BCKDHB: variants seen among roughly 807,000 people sequenced by gnomAD.
BCKDHB encodes branched chain keto acid dehydrogenase E1 subunit beta, also known as 2-oxoisovalerate dehydrogenase subunit beta, mitochondrial.
In BCKDHB, 41 loss-of-function variants were observed where a neutral mutation model predicts 48.5. The observed-to-expected ratio is 0.85, with a 90% CI of 0.66 to 1.10. BCKDHB has a LOEUF of 1.10. BCKDHB is among the 50% of genes least tolerant of loss of function. The pLI, the probability that BCKDHB is intolerant of heterozygous loss-of-function variation, is 0.00. For missense variants in BCKDHB, 496 were observed against 494.2 expected, an observed-to-expected ratio of 1.00 and a Z score of -0.03; for synonymous variants, 201 against 174.8, an observed-to-expected ratio of 1.15 and a Z score of -1.18.
At chr6:80,121,222 ATC>A (rs1211422006) in intron 1 of BCKDHB, among the ~76,000 whole-genome samples, 3 of 152,132 alleles carry the variant, frequency 2.0e-5, no homozygotes, top group Non-Finnish European at 4.4e-5. Context: ...ATTGATCTAT[ATC>A]TCTGTTTTGG....
chr6:80,157,459 A>ATTTTT (rs36063034), intron 3 of BCKDHB, among the ~76,000 whole-genome samples: 29 of 96,736 alleles, frequency 3.0e-4, no homozygotes, highest in Non-Finnish European at 4.4e-4. Context: ...TTGGGTGAGA[A>ATTTTT]TTTTTTTTTT....
chr6:80,150,048 T>A (rs1388880685), intron 3 of BCKDHB, among the ~76,000 whole-genome samples: 1 of 151,916 alleles, frequency 6.6e-6, no homozygotes, highest in East Asian at 1.9e-4. Context: ...TAGCTTCAAG[T>A]TTTTTCCCCC....
At chr6:80,466,390 G>A in the BCKDHB span, among the ~76,000 whole-genome samples, 4 of 152,148 alleles carry the variant, frequency 2.6e-5, no homozygotes, top group Admixed American at 1.3e-4. Flanking sequence ...TTGGGAGTTA[G>A]GGATTTTTAG....
chr6:80,362,881 T>C, the BCKDHB span, among the ~76,000 whole-genome samples: 2 of 152,202 alleles, frequency 1.3e-5, no homozygotes, highest in Non-Finnish European at 2.9e-5. Flanking sequence ...GGACTTGAAA[T>C]GAAAGTTGCA....
At chr6:80,236,588 A>C (rs140300961) in intron 8 of BCKDHB, among the ~76,000 whole-genome samples, 6 of 152,212 alleles carry the variant, frequency 3.9e-5, no homozygotes. Flanking sequence ...ATATTTACTC[A>C]TTTATTCCTT....
In BCKDHB at chr6:80,245,381, A is replaced by G. The variant is rs558360624; in HGVS notation, c.952-27754A>G. 2.6e-4 allele frequency among the ~76,000 whole-genome samples: 40 copies of G among 152,174 alleles called. 1 individual carries two copies. The highest frequency in any genetic ancestry group is 1.6e-3 in the Admixed American group (24 of 15,278). On this transcript the variant is annotated intron_variant, in intron 8 of 9. Coordinates refer to ENST00000320393, the MANE Select transcript of BCKDHB (RefSeq NM_183050.4). ...CAAAAAAGGCTTTCAATAGGAAAAA[A>G]AAAATCCCCCAAAAGCTCAGGAAAC...
At chr6:80,110,556 GTAT>G (rs1426338352) in intron 1 of BCKDHB, among the ~76,000 whole-genome samples, 3 of 152,188 alleles carry the variant, frequency 2.0e-5, no homozygotes, top group Non-Finnish European at 4.4e-5. Context: ...CTGTCCAAGT[GTAT>G]TATTGTTTTT....
intron 1 of BCKDHB, among the ~76,000 whole-genome samples, chr6:80,109,526 T>C (rs1266509447): frequency 6.6e-6 from 1 of 152,218 alleles, no homozygotes; most frequent in Non-Finnish European, 1.5e-5. Flanking sequence ...ATATGTATAA[T>C]AGTGTGAGTA....
intron 1 of BCKDHB, among the ~76,000 whole-genome samples, chr6:80,121,654 C>T (rs776210872): frequency 6.6e-5 from 10 of 151,712 alleles, no homozygotes; most frequent in Non-Finnish European, 1.5e-4. Flanking sequence ...CATGATTTGG[C>T]TCTCTGTTAA....
the BCKDHB span, among the ~76,000 whole-genome samples, chr6:80,414,109 G>C: frequency 6.6e-6 from 1 of 151,842 alleles, no homozygotes; most frequent in Admixed American, 6.6e-5. Context: ...TTTTTTAAAA[G>C]TGTCTGTGTA....
At chr6:80,165,796 G>T (rs963011983) in intron 3 of BCKDHB, among the ~76,000 whole-genome samples, 1 of 152,158 alleles carries the variant, frequency 6.6e-6, no homozygotes, top group Non-Finnish European at 1.5e-5. Context: ...TTGTTGGTGG[G>T]CACAGCTCTT....
intron 9 of BCKDHB, among the ~76,000 whole-genome samples, chr6:80,281,587 A>G (rs573798954): frequency 2.6e-5 from 4 of 152,304 alleles, no homozygotes; most frequent in Admixed American, 2.6e-4. Context: ...ATAGACTACC[A>G]TTTCAAGAAA....
At chr6:80,261,506 T>G (rs1302346143) in intron 8 of BCKDHB, among the ~76,000 whole-genome samples, 1 of 152,014 alleles carries the variant, frequency 6.6e-6, no homozygotes. Flanking sequence ...CCCTACTCAT[T>G]CACTCAGCAA....
At chr6:80,229,613 T>A (rs1299111892) in intron 8 of BCKDHB, among the ~76,000 whole-genome samples, 1 of 152,014 alleles carries the variant, frequency 6.6e-6, no homozygotes, top group Non-Finnish European at 1.5e-5. Context: ...GAAGAGTTGT[T>A]ATTAAAAAAA....
intron 9 of BCKDHB, among the ~76,000 whole-genome samples, chr6:80,302,097 G>A (rs1767613905): frequency 6.6e-6 from 1 of 152,092 alleles, no homozygotes; most frequent in African/African-American, 2.4e-5. Context: ...AACAAGACAA[G>A]GATACCCACT....
intron 9 of BCKDHB, among the ~76,000 whole-genome samples, chr6:80,303,554 C>G (rs1020619215): frequency 1.3e-5 from 2 of 151,976 alleles, no homozygotes; most frequent in African/African-American, 4.8e-5. Flanking sequence ...GATACTGACA[C>G]AATTGAAATT....
At chr6:80,215,983 G>A (rs778038943) in intron 8 of BCKDHB, among the ~76,000 whole-genome samples, 9 of 152,114 alleles carry the variant, frequency 5.9e-5, no homozygotes, top group African/African-American at 1.4e-4. Context: ...CTCGTGATCC[G>A]CCTACCTCGG....
intron 9 of BCKDHB, among the ~76,000 whole-genome samples, chr6:80,317,314 A>G (rs1374411160): frequency 6.6e-6 from 1 of 152,242 alleles, no homozygotes; most frequent in Non-Finnish European, 1.5e-5. Flanking sequence ...TTAGAGTCCA[A>G]CACACATATC....
chr6:80,185,648 T>A (rs2127797403), intron 6 of BCKDHB, among the ~76,000 whole-genome samples: 1 of 152,308 alleles, frequency 6.6e-6, no homozygotes, highest in South Asian at 2.1e-4. Context: ...CACCTGGAGA[T>A]GGGACTTCCT....
Sources: allele counts gnomAD v4.1 joint callset (sites outside exome capture counted in the v4.1 genomes callset), GRCh38; gene constraint gnomAD v4.1.1; transcripts MANE v1.5; gene names NCBI Gene and HGNC (gene_info 2026-07-23, HGNC 2026-07-21).